Variants in KIAA0232 observed in about 807,000 individuals in gnomAD.
KIAA0232 encodes KIAA0232.
In KIAA0232, 27 loss-of-function variants were observed where a neutral mutation model predicts 122.0. The ratio of observed to expected loss-of-function variants is 0.22; its 90% confidence interval spans 0.16 to 0.31. The LOEUF is 0.31. KIAA0232 is among the 10% of genes least tolerant of loss of function. The probability of loss-of-function intolerance (pLI) is 1.00; values close to 1 mark genes in which losing one functional copy is unlikely to be tolerated. For synonymous variants in KIAA0232, 613 were observed against 587.6 expected (o/e 1.04, Z -0.63); for missense variants, 1,551 against 1,634.2 (o/e 0.95, Z 0.88).
At chr4:6,818,650 C>T (rs1718260445) in intron 2 of KIAA0232, among the ~76,000 whole-genome samples, 1 of 151,732 alleles carries the variant, frequency 6.6e-6, no homozygotes, top group African/African-American at 2.4e-5. Flanking sequence ...CAGCCCAAAG[C>T]AGTCTACATA....
intron 2 of KIAA0232, among the ~76,000 whole-genome samples, chr4:6,807,056 A>G (rs987942054): frequency 2.0e-5 from 3 of 151,204 alleles, no homozygotes; most frequent in Non-Finnish European, 1.5e-5. Flanking sequence ...CTATCTATCT[A>G]TCTATCTATC....
chr4:6,790,978 G>C (rs1277231827), intron 1 of KIAA0232, among the ~76,000 whole-genome samples: 1 of 144,526 alleles, frequency 6.9e-6, no homozygotes. Flanking sequence ...GAGTCCAGTG[G>C]TACAATCTTG....
chr4:6,862,080 A>G lies in KIAA0232; in HGVS notation c.1698A>G (p.Ile566Met), dbSNP rs755681713. ...TGGAGTTGCAAGGGGAACGTGCAAT[A>G]TGGACAGATTCTACCAGCTCCGTAG... Reference protein sequence around the residue: ...DGMELQGERAIWTDSTSSVGA... With the variant: ...DGMELQGERAMWTDSTSSVGA... Residue 566 changes from isoleucine (I) to methionine (M), a missense_variant, in exon 7 of 10, where the codon ATA becomes ATG. Physicochemically the swap from Ile to Met is conservative, Grantham distance 10. Transcript: ENST00000307659. 1 of 1,614,222 alleles carries G rather than the reference A, an allele frequency of 6.2e-7. No individual in the cohort carries two copies. The highest frequency in any genetic ancestry group is 1.7e-5 in the Admixed American group (1 of 60,020).
At chr4:6,847,467 A>G (rs1277683216) in intron 4 of KIAA0232, among the ~76,000 whole-genome samples, 1 of 152,232 alleles carries the variant, frequency 6.6e-6, no homozygotes, top group Admixed American at 6.5e-5. Flanking sequence ...GTCAGAATTT[A>G]ATTTTATACA....
rs1029905525 is a variant in KIAA0232, at chr4:6,878,618, G to A, written c.4008+1861G>A. On this transcript the variant is annotated intron_variant, in intron 9 of 9. Transcript: ENST00000307659. ...ACTACCTTCTTCTACTACCCATTCTGTATTCCCTTTGCCTTCAGCAAGCAC... is the reference window on the plus strand; with the variant it reads ...ACTACCTTCTTCTACTACCCATTCTATATTCCCTTTGCCTTCAGCAAGCAC... Among the ~76,000 whole-genome samples the A allele has an allele frequency of 5.3e-5, 8 of 152,212 alleles. No individual in the cohort carries two copies. The East Asian group carries it at 9.7e-4, about 18-fold the overall frequency.
chr4:6,848,361 C>T (rs1019236963), intron 4 of KIAA0232, among the ~76,000 whole-genome samples: 7 of 152,172 alleles, frequency 4.6e-5, no homozygotes, highest in Admixed American at 2.0e-4. Flanking sequence ...CCTTCATACC[C>T]ATGAGTTCTA....
chr4:6,811,898 CTTTGT>C (rs1439608661), intron 2 of KIAA0232, among the ~76,000 whole-genome samples: 1 of 151,946 alleles, frequency 6.6e-6, no homozygotes, highest in African/African-American at 2.4e-5. Flanking sequence ...TCAGTTCTCT[CTTTGT>C]TTTGTTAATA....
chr4:6,876,776 T>C lies in KIAA0232; in HGVS notation c.4008+19T>C. 2.6e-6 allele frequency: 4 copies of C among 1,525,928 alleles called. No homozygotes were observed. Among genetic ancestry groups the C allele is most frequent in the Non-Finnish European group, 3.6e-6 (4 of 1,100,054 alleles). 94.5% of individuals were successfully genotyped at this position (1,525,928 alleles called of 1,614,324 possible). On this transcript the variant is annotated intron_variant, in intron 9 of 9. Transcript: ENST00000307659. ...TAATAGGGTAAGTGGACTGTCCTCC[T>C]CCTCGTCATTAACTTACAAACAGCC...
rs962762860 is a variant in KIAA0232 at position 6,824,396 on chromosome 4, A to G, written c.-58A>G. The G allele has an allele frequency of 7.3e-7, 1 of 1,370,944 alleles. No individual in the cohort carries two copies. Among genetic ancestry groups the G allele is most frequent in the African/African-American group, 1.4e-5 (1 of 70,304 alleles). 84.9% of individuals were successfully genotyped at this position (1,370,944 alleles called of 1,614,324 possible). A position where few individuals can be genotyped will look rare whatever the true frequency, so the allele number is the denominator to read the frequency against. On this transcript the variant is annotated 5_prime_UTR_variant, in exon 3 of 10. Transcript: ENST00000307659. ...GAGTGAAAATCCCCTCCAGATACCA[A>G]CAGAATATCAACTGCAGAAAATGCT...
chr4:6,855,914 C>T lies in KIAA0232; in HGVS notation c.370-1250C>T, dbSNP rs143468494. 187 of 932,400 alleles carry T rather than the reference C, an allele frequency of 2.0e-4. No homozygotes were observed. The African/African-American group carries it at 3.1e-3, about 16-fold the overall frequency. The allele number at this position is 932,400 out of a possible 1,614,324, so 57.8% of individuals were successfully genotyped here. On this transcript the variant is annotated intron_variant, in intron 4 of 9. Transcript: ENST00000307659. The surrounding 1 kb of genome is among the most constrained non-coding windows in gnomAD (Gnocchi z 4.3). Reference sequence around the variant, plus strand: ...GAGCATTATGGTAAGCAGGTGCTTTCTGGTGCAACTGTTTGTGGTTGAACA... The same window carrying T: ...GAGCATTATGGTAAGCAGGTGCTTTTTGGTGCAACTGTTTGTGGTTGAACA...
At chr4:6,870,033 C>G (rs974730613) in intron 7 of KIAA0232, among the ~76,000 whole-genome samples, 2 of 152,190 alleles carry the variant, frequency 1.3e-5, no homozygotes, top group South Asian at 2.1e-4. Context: ...GGGGCAGGCT[C>G]ACTCTCTCAG....
intron 2 of KIAA0232, among the ~76,000 whole-genome samples, chr4:6,817,123 G>A (rs560333162): frequency 6.6e-6 from 1 of 152,226 alleles, no homozygotes; most frequent in South Asian, 2.1e-4. Context: ...AGTTTCTTAA[G>A]GTGAAAACTG....
intron 3 of KIAA0232, among the ~76,000 whole-genome samples, chr4:6,831,354 G>A (rs1234901970): frequency 1.3e-5 from 2 of 152,116 alleles, no homozygotes; most frequent in Non-Finnish European, 2.9e-5. Flanking sequence ...ACACCTGGCC[G>A]ATTTTGTTGT....
At chr4:6,871,719 A>G (rs1349647289) in intron 8 of KIAA0232, 37 bp downstream of exon 8, 7 of 1,191,752 alleles carry the variant, frequency 5.9e-6, no homozygotes, top group African/African-American at 1.5e-5. Flanking sequence ...ATTCATTGCA[A>G]TTTGTAATTT....
chr4:6,815,867 C>A lies in KIAA0232; in HGVS notation c.-269-8318C>A, dbSNP rs148668928. Among the ~76,000 whole-genome samples the A allele has an allele frequency of 3.0e-3, 464 of 152,232 alleles. 4 individuals carry two copies. Among genetic ancestry groups the A allele is most frequent in the African/African-American group, 0.01 (432 of 41,546 alleles). ...TTAACCAGCTTTGAGATCATGTGGG[C>A]GTTCAATATGCTTTGCTTTATTTTG... On this transcript the variant is annotated intron_variant, in intron 2 of 9. Transcript: ENST00000307659.
At chr4:6,835,166 A>G (rs953142310) in intron 3 of KIAA0232, among the ~76,000 whole-genome samples, 1 of 152,184 alleles carries the variant, frequency 6.6e-6, no homozygotes, top group African/African-American at 2.4e-5. Flanking sequence ...GAGCCTCTTC[A>G]TGTGGGTCAG....
At chr4:6,821,909 T>C (rs546545704) in intron 2 of KIAA0232, among the ~76,000 whole-genome samples, 1 of 152,032 alleles carries the variant, frequency 6.6e-6, no homozygotes, top group Non-Finnish European at 1.5e-5. Context: ...ACTTTAAAGT[T>C]TTTGCTCCAT....
intron 1 of KIAA0232, among the ~76,000 whole-genome samples, chr4:6,795,791 A>G (rs941509324): frequency 2.6e-5 from 4 of 152,102 alleles, no homozygotes; most frequent in East Asian, 1.9e-4. Flanking sequence ...GGGTCTCACT[A>G]TGTTGCCCAG....
chr4:6,838,189 C>CT (rs57836301), intron 3 of KIAA0232, among the ~76,000 whole-genome samples: 116 of 126,036 alleles, frequency 9.2e-4, no homozygotes, highest in South Asian at 3.5e-3. Context: ...ACAAAGATAG[C>CT]TTTTTTTTTT....
Sources: gnomAD v4.1 joint callset for allele counts (sites outside exome capture counted in the v4.1 genomes callset) on GRCh38, gnomAD v4.1.1 for gene constraint, Gnocchi (gnomAD v3.1) non-coding constraint, MANE v1.5 for transcripts, NCBI Gene and HGNC (gene_info 2026-07-23, HGNC 2026-07-21) for gene names.